Variants in BMP2K observed in about 807,000 individuals in gnomAD.
BMP2K encodes BMP-2-inducible protein kinase.
BMP2K carries 74 observed loss-of-function variants against 116.0 expected under a neutral mutation model. The ratio of observed to expected loss-of-function variants is 0.64; its 90% CI spans 0.53 to 0.77. The LOEUF (loss-of-function observed/expected upper bound fraction) is 0.77, where lower values mean the gene tolerates loss of function less well. Ranked by LOEUF, BMP2K falls within the 30% of genes least tolerant of loss-of-function variation. The pLI is 0.00. For missense variants in BMP2K, 1,365 were observed against 1,403.6 expected, an observed-to-expected ratio of 0.97 and a Z score of 0.44; for synonymous variants, 486 against 502.5, an observed-to-expected ratio of 0.97 and a Z score of 0.44.
At chr4:78,866,405 A>T (rs1366639160) in intron 10 of BMP2K, among the ~76,000 whole-genome samples, 1 of 152,162 alleles carries the variant, frequency 6.6e-6, no homozygotes, top group Non-Finnish European at 1.5e-5. Flanking sequence ...TAATGAGGAT[A>T]CCCTAATGGT....
intron 15 of BMP2K, among the ~76,000 whole-genome samples, chr4:78,907,737 C>G (rs1214859343): frequency 6.6e-6 from 1 of 152,088 alleles, no homozygotes. Context: ...ATTTCATAGA[C>G]TTGTTTGCTT....
intron 1 of BMP2K, among the ~76,000 whole-genome samples, chr4:78,807,888 G>A (rs921091717): frequency 1.3e-5 from 2 of 151,708 alleles, no homozygotes; most frequent in South Asian, 4.2e-4. Context: ...ATATTAATTT[G>A]TTTTTCTAGT....
At chr4:78,867,277 C>T (rs1732102439) in intron 10 of BMP2K, among the ~76,000 whole-genome samples, 1 of 152,106 alleles carries the variant, frequency 6.6e-6, no homozygotes. Flanking sequence ...GCCTCAGTAG[C>T]TAAAGATGTT....
At chr4:78,812,901 T>G (rs1187845134) in intron 1 of BMP2K, among the ~76,000 whole-genome samples, 1 of 151,858 alleles carries the variant, frequency 6.6e-6, no homozygotes, top group African/African-American at 2.4e-5. Context: ...AAAACTTAGC[T>G]GGCATGGTGG....
At chr4:78,886,925 A>G (rs190269662) in intron 14 of BMP2K, among the ~76,000 whole-genome samples, 1 of 152,266 alleles carries the variant, frequency 6.6e-6, no homozygotes, top group East Asian at 1.9e-4. Flanking sequence ...GACTAAGTTT[A>G]TTGTTGGGTT....
intron 13 of BMP2K, among the ~76,000 whole-genome samples, chr4:78,877,730 G>C (rs938255030): frequency 1.5e-4 from 23 of 152,174 alleles, no homozygotes; most frequent in Non-Finnish European, 2.5e-4. Flanking sequence ...AATATGCACT[G>C]TACACAATTG....
intron 1 of BMP2K, among the ~76,000 whole-genome samples, chr4:78,793,797 T>G (rs1170686502): frequency 6.6e-6 from 1 of 152,086 alleles, no homozygotes. Flanking sequence ...TTTATACTAT[T>G]GATTATATGT....
chr4:78,870,771 A>G lies in BMP2K; in HGVS notation c.1232-12A>G. On this transcript the variant is annotated splice_polypyrimidine_tract_variant and intron_variant, in intron 10 of 15. Transcript: ENST00000502613. ...TTAGTATGTTAATGTAAGTGTTTGG[A>G]CCTGTCTTTAGGGGCACTAAGACCT... 6.2e-7 allele frequency: 1 copy of G among 1,608,066 alleles called. No individual in the cohort carries two copies. The highest frequency in any genetic ancestry group is 8.5e-7 in the Non-Finnish European group (1 of 1,175,866).
chr4:78,874,782 G>T (rs1433265025), intron 13 of BMP2K, among the ~76,000 whole-genome samples: 1 of 152,256 alleles, frequency 6.6e-6, no homozygotes. Flanking sequence ...GGCATGCAAG[G>T]TGCTGATGCC....
At chr4:78,865,975 C>T (rs1461059224) in intron 10 of BMP2K, among the ~76,000 whole-genome samples, 1 of 152,124 alleles carries the variant, frequency 6.6e-6, no homozygotes. Context: ...TAAATACAAA[C>T]TCTTATCCCT....
At chr4:78,817,765 C>T (rs1009028136) in intron 1 of BMP2K, among the ~76,000 whole-genome samples, 8 of 152,092 alleles carry the variant, frequency 5.3e-5, no homozygotes, top group East Asian at 1.9e-4. Flanking sequence ...CCAACCCTCT[C>T]ATCTAATCTG....
intron 1 of BMP2K, among the ~76,000 whole-genome samples, chr4:78,789,953 C>T (rs952263993): frequency 1.3e-5 from 2 of 152,130 alleles, no homozygotes; most frequent in Non-Finnish European, 2.9e-5. Flanking sequence ...GCTGTAATAT[C>T]GGATCCCTAT....
At chr4:78,829,804 T>A (rs1730108950) in intron 2 of BMP2K, among the ~76,000 whole-genome samples, 1 of 137,580 alleles carries the variant, frequency 7.3e-6, no homozygotes, top group Non-Finnish European at 1.5e-5. Context: ...TCTCTTCTCT[T>A]CTCTTCTCTT....
At chr4:78,843,289 A>G (rs886777478) in intron 4 of BMP2K, among the ~76,000 whole-genome samples, 1 of 151,878 alleles carries the variant, frequency 6.6e-6, no homozygotes, top group Non-Finnish European at 1.5e-5. Context: ...TCCCATCACT[A>G]TAGCCTAACC....
chr4:78,900,458 A>G (rs1733940036), intron 15 of BMP2K, among the ~76,000 whole-genome samples: 1 of 152,216 alleles, frequency 6.6e-6, no homozygotes, highest in African/African-American at 2.4e-5. Flanking sequence ...AGTATTCTGG[A>G]GAGATAAAGT....
chr4:78,887,136 C>CATTTCATTTTTTATT (rs1165182377), intron 14 of BMP2K, 38 bp from the exon 15 acceptor site: 1 of 1,333,748 alleles, frequency 7.5e-7, no homozygotes, highest in East Asian at 2.5e-5. Context: ...ATTTTTATTT[C>CATTTCATTTTTTATT]ATTTCATTTT....
intron 2 of BMP2K, among the ~76,000 whole-genome samples, chr4:78,829,975 A>G (rs112706345): frequency 0.1 from 15,546 of 151,612 alleles, 2,689 homozygotes; most frequent in African/African-American, 0.36. Context: ...CCTGGGTTCA[A>G]GTGATTCTAA....
Position 78,861,376 on chromosome 4 carries a change from T to C in BMP2K, c.988-13T>C. ...AAAACTAAAATGAGACGTTTTATTTTTTTTCTTCCAAGAATTCTTCTATTC... is the reference window on the plus strand; with the variant it reads ...AAAACTAAAATGAGACGTTTTATTTCTTTTCTTCCAAGAATTCTTCTATTC... On this transcript the variant is annotated splice_polypyrimidine_tract_variant and intron_variant, in intron 8 of 15. Coordinates refer to ENST00000502613, the MANE Select transcript of BMP2K (RefSeq NM_198892.2). The C allele has an allele frequency of 6.3e-7, 1 of 1,580,508 alleles. No individual in the cohort carries two copies. The highest frequency in any genetic ancestry group is 8.6e-7 in the Non-Finnish European group (1 of 1,164,104).
At chr4:78,871,111 A>G (rs1401400516) in intron 11 of BMP2K, 51 bp downstream of exon 11, 1 of 1,582,364 alleles carries the variant, frequency 6.3e-7, no homozygotes, top group Non-Finnish European at 8.6e-7. Flanking sequence ...TTGATGCAGC[A>G]AATTGAATAT....
Sources: allele counts gnomAD v4.1 joint callset (sites outside exome capture counted in the v4.1 genomes callset), GRCh38; gene constraint gnomAD v4.1.1; transcripts MANE v1.5; gene names NCBI Gene and HGNC (gene_info 2026-07-23, HGNC 2026-07-21).